DPP10: variants seen among roughly 807,000 people sequenced by gnomAD.
DPP10 encodes the protein dipeptidyl peptidase like 10.
In DPP10, 33 loss-of-function variants were observed where a neutral mutation model predicts 120.9. The ratio of observed to expected loss-of-function variants is 0.27; its 90% CI spans 0.21 to 0.37. The LOEUF is 0.37. DPP10 is among the 10% of genes least tolerant of loss of function. The pLI, the probability that DPP10 is intolerant of heterozygous loss-of-function variation, is 1.00. For missense variants in DPP10, 816 were observed against 942.8 expected (o/e 0.87, Z 1.76); for synonymous variants, 337 against 326.1 (o/e 1.03, Z -0.36).
At chr2:114,921,170 AC>A (rs1574488925) in intron 1 of DPP10, among the ~76,000 whole-genome samples, 1 of 152,228 alleles carries the variant, frequency 6.6e-6, no homozygotes, top group East Asian at 1.9e-4. Flanking sequence ...GGCTTAAGGA[AC>A]ATTTTAGTAT....
chr2:114,551,095 C>T (rs914768157), intron 1 of DPP10, among the ~76,000 whole-genome samples: 17 of 152,170 alleles, frequency 1.1e-4, no homozygotes, highest in African/African-American at 4.1e-4. Context: ...TCCTCCACTA[C>T]ACTCATTTTT....
intron 1 of DPP10, among the ~76,000 whole-genome samples, chr2:115,008,378 T>G (rs1403028041): frequency 1.2e-4 from 13 of 107,632 alleles, no homozygotes; most frequent in East Asian, 5.5e-4. Context: ...TAGCCATATG[T>G]AGAAAGCTGA....
At chr2:114,806,772 A>G (rs1178727237) in intron 1 of DPP10, among the ~76,000 whole-genome samples, 1 of 152,232 alleles carries the variant, frequency 6.6e-6, no homozygotes, top group Admixed American at 6.5e-5. Flanking sequence ...CAATAGTGTC[A>G]CAATCCAACC....
chr2:114,580,972 G>A (rs934517940), intron 1 of DPP10, among the ~76,000 whole-genome samples: 1 of 151,770 alleles, frequency 6.6e-6, no homozygotes, highest in African/African-American at 2.4e-5. Flanking sequence ...AATTGTGGAC[G>A]ACTTAAAAAG....
chr2:114,937,070 T>C (rs1281093479), intron 1 of DPP10, among the ~76,000 whole-genome samples: 1 of 152,192 alleles, frequency 6.6e-6, no homozygotes, highest in Admixed American at 6.5e-5. Flanking sequence ...TGATTATTTC[T>C]TTTGCTGTGC....
At chr2:115,190,073 A>G (rs1028875226) in intron 1 of DPP10, among the ~76,000 whole-genome samples, 7 of 152,110 alleles carry the variant, frequency 4.6e-5, no homozygotes, top group African/African-American at 1.7e-4. Context: ...AGGCTCTTCT[A>G]TTTTCCCAAG....
intron 13 of DPP10, among the ~76,000 whole-genome samples, chr2:115,775,649 GA>G (rs1682007680): frequency 6.6e-6 from 1 of 151,918 alleles, no homozygotes; most frequent in Non-Finnish European, 1.5e-5. Flanking sequence ...TTTTGAAAAT[GA>G]AAAAATATGG....
chr2:115,192,829 T>C (rs1179705572), intron 1 of DPP10, among the ~76,000 whole-genome samples: 2 of 151,792 alleles, frequency 1.3e-5, no homozygotes, highest in Non-Finnish European at 2.9e-5. Flanking sequence ...AGGTTAGTGC[T>C]TTAAGAAAAA....
At chr2:114,604,917 A>G (rs551909324) in intron 1 of DPP10, among the ~76,000 whole-genome samples, 1 of 152,240 alleles carries the variant, frequency 6.6e-6, no homozygotes, top group Admixed American at 6.5e-5. Flanking sequence ...CATGTGGTTA[A>G]GTAATCATAT....
intron 3 of DPP10, among the ~76,000 whole-genome samples, chr2:115,344,859 A>C (rs1171770412): frequency 6.6e-6 from 1 of 152,230 alleles, no homozygotes; most frequent in African/African-American, 2.4e-5. Flanking sequence ...TATTATTTGT[A>C]TAATAGATGA....
intron 1 of DPP10, among the ~76,000 whole-genome samples, chr2:114,913,477 A>G (rs1407123133): frequency 6.6e-6 from 1 of 152,176 alleles, no homozygotes; most frequent in African/African-American, 2.4e-5. Flanking sequence ...CACAAATCCT[A>G]GGATTGCTGA....
Position 115,166,009 on chromosome 2 carries a change from A to G in DPP10, c.61-143230A>G, listed in dbSNP as rs2105011445. Among the ~76,000 whole-genome samples the G allele has an allele frequency of 2.0e-5, 3 of 152,348 alleles. No individual in the cohort carries two copies. The South Asian group carries it at 6.2e-4, about 32-fold the overall frequency. On this transcript the variant is annotated intron_variant, in intron 1 of 25. Transcript: ENST00000410059. Reference sequence around the variant, plus strand: ...ATGAAATAATTCATGACCAGAATTGAGATCAAATGTGTAATGTGTAAAATG... The same window carrying G: ...ATGAAATAATTCATGACCAGAATTGGGATCAAATGTGTAATGTGTAAAATG...
intron 1 of DPP10, among the ~76,000 whole-genome samples, chr2:114,448,451 A>G (rs1163050993): frequency 1.3e-5 from 2 of 152,192 alleles, no homozygotes; most frequent in East Asian, 1.9e-4. Flanking sequence ...CAAATGAAGC[A>G]TGGACGTAGT....
chr2:115,233,741 T>C (rs575276865), intron 1 of DPP10, among the ~76,000 whole-genome samples: 56 of 152,302 alleles, frequency 3.7e-4, no homozygotes, highest in Admixed American at 1.1e-3. Flanking sequence ...TTTGTAGCCC[T>C]CTTGTGGGCG....
At chr2:115,230,141 T>TTTG (rs1021069065) in intron 1 of DPP10, among the ~76,000 whole-genome samples, 1 of 152,004 alleles carries the variant, frequency 6.6e-6, no homozygotes, top group East Asian at 1.9e-4. Context: ...GTTTGTTCTT[T>TTTG]TTGTTGTTGT....
At chr2:115,248,945 T>G (rs759089905) in intron 1 of DPP10, among the ~76,000 whole-genome samples, 38 of 152,136 alleles carry the variant, frequency 2.5e-4, no homozygotes, top group Non-Finnish European at 3.2e-4. Context: ...TGCTACATCT[T>G]TCATGAATGT....
chr2:115,397,097 T>G (rs573990630), intron 3 of DPP10, among the ~76,000 whole-genome samples: 26 of 152,372 alleles, frequency 1.7e-4, no homozygotes, highest in African/African-American at 6.0e-4. Flanking sequence ...AAGTCACTTT[T>G]GTCTTAGTGA....
chr2:115,179,432 G>A lies in DPP10; in HGVS notation c.61-129807G>A, dbSNP rs58032454. Among the ~76,000 whole-genome samples the A allele has an allele frequency of 0.011, 1,632 of 152,166 alleles. 95 individuals carry two copies. The East Asian group carries it at 0.16, about 15-fold the overall frequency. On this transcript the variant is annotated intron_variant, in intron 1 of 25. Coordinates refer to ENST00000410059, the MANE Select transcript of DPP10 (RefSeq NM_020868.6). ...GATAATGAATACGTGGTGTGCTTAC[G>A]TTTTCTTATATACCGTGGGATAAGC...
At chr2:115,192,517 AG>A (rs2054958823) in intron 1 of DPP10, among the ~76,000 whole-genome samples, 1 of 152,236 alleles carries the variant, frequency 6.6e-6, no homozygotes, top group African/African-American at 2.4e-5. Flanking sequence ...TTACCTCATA[AG>A]GGGTTTGGAT....
Sources: gnomAD v4.1 joint callset for allele counts (sites outside exome capture counted in the v4.1 genomes callset) on GRCh38, gnomAD v4.1.1 for gene constraint, MANE v1.5 for transcripts, NCBI Gene and HGNC (gene_info 2026-07-23, HGNC 2026-07-21) for gene names.